MMD2: variants seen among roughly 807,000 people sequenced by gnomAD.
The protein encoded by MMD2 is monocyte to macrophage differentiation factor 2.
Under a neutral mutation model 33.5 loss-of-function variants are expected in MMD2, and 30 were observed. That is an observed-to-expected ratio of 0.90 (90% CI 0.67 to 1.22). The LOEUF (loss-of-function observed/expected upper bound fraction) is 1.22, where lower values mean the gene tolerates loss of function less well. Ranked by LOEUF, MMD2 falls within the 50% of genes most tolerant of loss-of-function variation. The pLI is 0.00. For missense variants in MMD2, 364 were observed against 325.4 expected, an observed-to-expected ratio of 1.12 and a Z score of -0.91; for synonymous variants, 129 against 123.0, an observed-to-expected ratio of 1.05 and a Z score of -0.32.
chr7:4,902,010 G>A (rs1047711141), downstream of MMD2, among the ~76,000 whole-genome samples: 2 of 152,166 alleles, frequency 1.3e-5, no homozygotes, highest in Non-Finnish European at 2.9e-5. Flanking sequence ...GGAGTGCAGT[G>A]GCGCAATCTC....
In MMD2 at chr7:4,955,898, C is replaced by T. The variant is rs561747535; in HGVS notation, c.47+3073G>A. ...TGAAACCCTACCTCTACTAAAAATA[C>T]AAAAATTAGCCAGGCGTGGTTGCGG... On this transcript the variant is annotated intron_variant, in intron 1 of 6. Coordinates refer to ENST00000401401, the MANE Select transcript of MMD2 (RefSeq NM_198403.4). 3.9e-5 allele frequency among the ~76,000 whole-genome samples: 6 copies of T among 152,188 alleles called. 1 individual carries two copies. Among genetic ancestry groups the T allele is most frequent in the African/African-American group, 1.4e-4 (6 of 41,538 alleles).
chr7:4,944,928 T>C (rs1171408717), intron 1 of MMD2, among the ~76,000 whole-genome samples: 7 of 149,646 alleles, frequency 4.7e-5, no homozygotes, highest in African/African-American at 1.5e-4. Flanking sequence ...CCACCATGCC[T>C]GGCTAATTTT....
In MMD2 at chr7:4,925,509, G is replaced by A; in HGVS notation, c.71C>T (p.Ala24Val). 6 of 1,579,930 alleles carry A rather than the reference G, an allele frequency of 3.8e-6. No individual in the cohort carries two copies. Among genetic ancestry groups the A allele is most frequent in the Non-Finnish European group, 5.2e-6 (6 of 1,161,140 alleles). ...YARFMNHRVP[A>V]HKRYQPTEYE... ...CTCTGTGGGCTGGTACCTCTTGTGG[G>A]CAGGGACTCGGTGGTTCATGAACCT... The change falls in exon 2 of 7, where the codon GCC becomes GTC. Residue 24 changes from alanine (A) to valine (V), a missense_variant. Transcript: ENST00000401401.
chr7:4,925,310 G>T, intron 2 of MMD2, 141 bp downstream of exon 2: 2 of 546,424 alleles, frequency 3.7e-6, no homozygotes, highest in Non-Finnish European at 6.1e-6. Context: ...CCCTCGAGAC[G>T]CCACAGTGGC....
At chr7:4,934,038 T>A (rs1278330536) in intron 1 of MMD2, among the ~76,000 whole-genome samples, 1 of 149,996 alleles carries the variant, frequency 6.7e-6, no homozygotes, top group African/African-American at 2.5e-5. Flanking sequence ...CAAGCAATTC[T>A]CCTGCCTCAG....
intron 3 of MMD2, 24 bp downstream of exon 3, chr7:4,920,147 G>T: frequency 6.4e-7 from 1 of 1,550,502 alleles, no homozygotes; most frequent in Non-Finnish European, 8.7e-7. Context: ...TACCCGGCAT[G>T]GGTCCCCTCT....
chr7:4,895,426 G>A, the MMD2 span, among the ~76,000 whole-genome samples: 1 of 152,150 alleles, frequency 6.6e-6, no homozygotes, highest in African/African-American at 2.4e-5. Context: ...GGCCAAAATG[G>A]CAATTATTTG....
Position 4,909,865 on chromosome 7 carries a change from G to A in MMD2, c.537+16C>T. 1.9e-6 allele frequency: 3 copies of A among 1,605,840 alleles called. No homozygotes were observed. The highest frequency in any genetic ancestry group is 2.2e-5 in the East Asian group (1 of 44,462). On this transcript the variant is annotated intron_variant, in intron 6 of 6. Transcript: ENST00000401401. The stretch of plus-strand genomic sequence containing the variant: ...CTCTTGCAGGGACTCATCTATGCAG[G>A]GCTGGCAGCACTTACCATGGAGAGG...
In MMD2 at chr7:4,920,141, C is replaced by A. The variant is rs200817185; in HGVS notation, c.290+30G>T. On this transcript the variant is annotated intron_variant, in intron 3 of 6. Coordinates refer to ENST00000401401, the MANE Select transcript of MMD2 (RefSeq NM_198403.4). ...GGTCCCCCTGCCCCGACCCCCTACC[C>A]GGCATGGGTCCCCTCTGGGCGGGAG... 2.1e-5 allele frequency: 32 copies of A among 1,548,538 alleles called. No individual in the cohort carries two copies. In the East Asian group the frequency reaches 3.9e-4, roughly 19 times the overall value.
At chr7:4,910,881 G>C (rs1357053344) in intron 5 of MMD2, among the ~76,000 whole-genome samples, 1 of 152,116 alleles carries the variant, frequency 6.6e-6, no homozygotes, top group Non-Finnish European at 1.5e-5. Flanking sequence ...TGCCTGCCTC[G>C]TGGATCACTC....
At chr7:4,924,399 C>T (rs1180302478) in intron 2 of MMD2, among the ~76,000 whole-genome samples, 1 of 152,248 alleles carries the variant, frequency 6.6e-6, no homozygotes, top group Non-Finnish European at 1.5e-5. Flanking sequence ...TTCACCTCCA[C>T]ACACGCTATC....
chr7:4,915,930 C>T, intron 4 of MMD2, 75 bp downstream of exon 4: 1 of 1,471,818 alleles, frequency 6.8e-7, no homozygotes, highest in Admixed American at 1.8e-5. Context: ...CATTACCCAG[C>T]CAAATAGAAA....
intron 1 of MMD2, among the ~76,000 whole-genome samples, chr7:4,952,510 C>T (rs1786273531): frequency 6.6e-6 from 1 of 152,208 alleles, no homozygotes; most frequent in Admixed American, 6.5e-5. Flanking sequence ...CTCCGCCCAA[C>T]ACTGCATGGT....
At chr7:4,904,199 C>T (rs542932800), downstream of MMD2, among the ~76,000 whole-genome samples, 1 of 152,334 alleles carries the variant, frequency 6.6e-6, no homozygotes, top group Admixed American at 6.5e-5. Context: ...TCCCAAAGTG[C>T]TGGAATTACA....
chr7:4,907,547 A>G lies in MMD2; in HGVS notation c.590T>C (p.Leu197Pro). Reference sequence around the variant, plus strand: ...GTCACTCTTGAAGAAGACCATGCCCAGGCAGTAGAAGACCCCTCCGGTCAC... The same window carrying G: ...GTCACTCTTGAAGAAGACCATGCCCGGGCAGTAGAAGACCCCTCCGGTCAC... ...ELVTGGVFYCLGMVFFKSDGR... is the reference protein window; with the variant it reads ...ELVTGGVFYCPGMVFFKSDGR... Residue 197 changes from leucine to proline, a missense_variant, in exon 7 of 7, where the codon CTG becomes CCG. Leu to Pro is a moderately conservative substitution (Grantham distance 98). Transcript: ENST00000401401. 6 of 1,613,534 alleles carry G rather than the reference A, an allele frequency of 3.7e-6. No individual in the cohort carries two copies. Among genetic ancestry groups the G allele is most frequent in the Non-Finnish European group, 5.1e-6 (6 of 1,179,892 alleles).
intron 1 of MMD2, among the ~76,000 whole-genome samples, chr7:4,933,262 C>T (rs1030660591): frequency 1.3e-5 from 2 of 151,950 alleles, no homozygotes; most frequent in African/African-American, 4.8e-5. Context: ...CTTGGGAGGC[C>T]GAGGCAAGAG....
At position 4,906,483 on chromosome 7, in the gene MMD2, G is replaced by C. The variant is rs1475659060; in HGVS notation, c.*913C>G. 1.8e-5 allele frequency: 7 copies of C among 398,490 alleles called. No individual in the cohort carries two copies. Among genetic ancestry groups the C allele is most frequent in the Non-Finnish European group, 2.7e-5 (6 of 226,072 alleles). 24.7% of individuals were successfully genotyped at this position (398,490 alleles called of 1,614,324 possible). On this transcript the variant is annotated 3_prime_UTR_variant, in exon 7 of 7. Transcript: ENST00000401401. ...GTATGGAGCAGGGAGCAAGTGCCTGGGGGCTGTTTGCCCCATCTTATGAAT... is the reference window on the plus strand; with the variant it reads ...GTATGGAGCAGGGAGCAAGTGCCTGCGGGCTGTTTGCCCCATCTTATGAAT...
Position 4,911,580 on chromosome 7 carries a change from C to A in MMD2, c.366-334G>T, listed in dbSNP as rs114121693. Among the ~76,000 whole-genome samples, 1,074 of 147,068 alleles carry A rather than the reference C, an allele frequency of 7.3e-3. 13 individuals are homozygous for A. Among genetic ancestry groups the A allele is most frequent in the African/African-American group, 0.026 (1,015 of 38,894 alleles). On this transcript the variant is annotated intron_variant, in intron 4 of 6. Coordinates refer to ENST00000401401, the MANE Select transcript of MMD2 (RefSeq NM_198403.4). ...CTGTAACCGCAGTTCCGGCAGCTAA[C>A]CAAAGCAATGCTGTTTTGTTTTATT...
the MMD2 span, among the ~76,000 whole-genome samples, chr7:4,894,095 C>T: frequency 1.3e-5 from 2 of 152,050 alleles, no homozygotes; most frequent in African/African-American, 4.8e-5. This position sits in a 1 kb window ranked among gnomAD's most constrained non-coding sequence, Gnocchi z 4.3. Context: ...TTACTCAGCC[C>T]CTATTCAAGA....
Sources: allele counts gnomAD v4.1 joint callset (sites outside exome capture counted in the v4.1 genomes callset), GRCh38; gene constraint gnomAD v4.1.1; non-coding constraint Gnocchi (gnomAD v3.1); transcripts MANE v1.5; gene names NCBI Gene and HGNC (gene_info 2026-07-23, HGNC 2026-07-21).